Variants in ARMC3 observed in about 807,000 individuals in gnomAD.
ARMC3 encodes armadillo repeat-containing protein 3.
Under a neutral mutation model 90.3 loss-of-function variants are expected in ARMC3, and 74 were observed. That is an observed-to-expected ratio of 0.82 (90% CI 0.68 to 0.99). The LOEUF is 0.99. ARMC3 is among the 50% of genes least tolerant of loss of function. ARMC3 has a pLI of 0.00. For missense variants in ARMC3, 958 were observed against 1,042.8 expected, an observed-to-expected ratio of 0.92 and a Z score of 1.12; for synonymous variants, 334 against 361.8, an observed-to-expected ratio of 0.92 and a Z score of 0.87.
At chr10:22,990,942 C>T (rs970531597) in intron 10 of ARMC3, among the ~76,000 whole-genome samples, 3 of 151,920 alleles carry the variant, frequency 2.0e-5, no homozygotes, top group Non-Finnish European at 2.9e-5. Flanking sequence ...CCTTTTTCCC[C>T]GGGTTCCTTT....
At chr10:22,958,799 G>A (rs1835064438) in intron 4 of ARMC3, among the ~76,000 whole-genome samples, 2 of 152,160 alleles carry the variant, frequency 1.3e-5, no homozygotes, top group African/African-American at 2.4e-5. Context: ...TCAGCTCACT[G>A]CAACCTCTGC....
chr10:23,006,831 C>T (rs1040928645), intron 13 of ARMC3, 53 bp from the exon 14 acceptor site: 26 of 1,498,248 alleles, frequency 1.7e-5, no homozygotes, highest in Middle Eastern at 1.7e-4. Context: ...TATTCATTTT[C>T]GAAAATATGA....
At chr10:22,985,046 ATTTTT>A (rs535085393) in intron 10 of ARMC3, among the ~76,000 whole-genome samples, 1 of 83,570 alleles carries the variant, frequency 1.2e-5, no homozygotes, top group African/African-American at 4.8e-5. Context: ...TTAATTTTTC[ATTTTT>A]TTTTTTTTTT....
At chr10:22,937,783 G>C (rs1165218086) in intron 2 of ARMC3, among the ~76,000 whole-genome samples, 1 of 152,186 alleles carries the variant, frequency 6.6e-6, no homozygotes, top group African/African-American at 2.4e-5. Flanking sequence ...GTTTCCAGGG[G>C]CACTTTAATA....
chr10:22,993,345 T>C (rs767148842), intron 10 of ARMC3, among the ~76,000 whole-genome samples: 2 of 152,218 alleles, frequency 1.3e-5, no homozygotes, highest in Non-Finnish European at 2.9e-5. Flanking sequence ...TTGTCTAAAG[T>C]GTAAAATTTT....
At position 23,033,608 on chromosome 10, in the gene ARMC3, G is replaced by T. The variant is rs564364271; in HGVS notation, c.2409+585G>T. On this transcript the variant is annotated intron_variant, in intron 18 of 18. Coordinates refer to ENST00000298032, the MANE Select transcript of ARMC3 (RefSeq NM_173081.5). ...GGAGGGGCGAATGCTAGATCATAAC[G>T]CATCATGTAAGTTTGGGCATTATTT... Among the ~76,000 whole-genome samples the T allele has an allele frequency of 2.8e-4, 42 of 152,266 alleles. No homozygotes were observed. The South Asian group carries it at 4.6e-3, about 17-fold the overall frequency.
rs776888309 is a variant in ARMC3 at position 23,002,039 on chromosome 10, G to T, written c.1546G>T (p.Glu516Ter). ...VCAGDELTANELCRLGALDIL... is the reference protein window; with the variant it reads ...VCAGDELTAN ...TGCTGGTGACGAGCTGACGGCCAAT[G>T]AATTATGCAGGCTCGGGTGAGTGGA... is the stretch of plus-strand genomic sequence containing the variant. Residue 516 changes from glutamate (E) to a stop codon, truncating the protein, a stop_gained, in exon 12 of 19, where the codon GAA becomes TAA. Coordinates refer to ENST00000298032, the MANE Select transcript of ARMC3 (RefSeq NM_173081.5). LOFTEE classifies it high-confidence loss of function. 1 of 1,613,624 alleles carries T rather than the reference G, an allele frequency of 6.2e-7. No homozygotes were observed. Among genetic ancestry groups the T allele is most frequent in the African/African-American group, 1.3e-5 (1 of 74,894 alleles).
intron 16 of ARMC3, among the ~76,000 whole-genome samples, chr10:23,023,113 C>T (rs1326580719): frequency 6.6e-6 from 1 of 152,116 alleles, no homozygotes; most frequent in East Asian, 1.9e-4. Flanking sequence ...AAACCAGCCA[C>T]AACAAGCCCC....
At position 22,981,499 on chromosome 10, in the gene ARMC3, C is replaced by T; in HGVS notation, c.1069+7C>T. 1 of 1,613,642 alleles carries T rather than the reference C, an allele frequency of 6.2e-7. No homozygotes were observed. The highest frequency in any genetic ancestry group is 8.5e-7 in the Non-Finnish European group (1 of 1,179,800). ...GATTTTTTCAATAATCAGGGTAAGTCAACTGGAAACAATTCTTTTGAGCAT... is the reference window on the plus strand; with the variant it reads ...GATTTTTTCAATAATCAGGGTAAGTTAACTGGAAACAATTCTTTTGAGCAT... On this transcript the variant is annotated splice_region_variant and intron_variant, in intron 9 of 18. Transcript: ENST00000298032.
chr10:23,027,502 G>A (rs1034857745), intron 16 of ARMC3, among the ~76,000 whole-genome samples: 11 of 152,052 alleles, frequency 7.2e-5, no homozygotes, highest in Non-Finnish European at 1.6e-4. Context: ...CTGACCCTTC[G>A]ATGAACTCAT....
At chr10:22,989,056 C>T (rs1294416419) in intron 10 of ARMC3, among the ~76,000 whole-genome samples, 1 of 152,182 alleles carries the variant, frequency 6.6e-6, no homozygotes, top group Non-Finnish European at 1.5e-5. Flanking sequence ...CGTCTTCATA[C>T]TGACCCCTAG....
At chr10:22,990,452 T>C (rs1377350784) in intron 10 of ARMC3, among the ~76,000 whole-genome samples, 1 of 152,224 alleles carries the variant, frequency 6.6e-6, no homozygotes, top group African/African-American at 2.4e-5. Context: ...TACGTTTCCA[T>C]GATCTGAAAC....
In ARMC3 at chr10:23,001,923, G is replaced by C. The variant is rs1485525400; in HGVS notation, c.1430G>C (p.Arg477Thr). 1 of 1,613,210 alleles carries C rather than the reference G, an allele frequency of 6.2e-7. No homozygotes were observed. ...ACDVEARTEL[R>T]NSGGLEPLVE... Reference sequence around the variant, plus strand: ...CATTTTGGTTTCTGCTTTTAGTTAAGAAATTCTGGTGGATTGGAGCCCCTG... The same window carrying C: ...CATTTTGGTTTCTGCTTTTAGTTAACAAATTCTGGTGGATTGGAGCCCCTG... The change falls in exon 12 of 19, where the codon AGA (arginine) becomes ACA (threonine). Residue 477 changes from arginine (R) to threonine (T), a missense_variant. By Grantham distance (71) the Arg-to-Thr change is moderately conservative. Coordinates refer to ENST00000298032, the MANE Select transcript of ARMC3 (RefSeq NM_173081.5).
chr10:22,991,939 C>G (rs1836730117), intron 10 of ARMC3, among the ~76,000 whole-genome samples: 1 of 152,162 alleles, frequency 6.6e-6, no homozygotes. Context: ...CCAGGCTAAA[C>G]AGAAACATTT....
Position 22,968,427 on chromosome 10 carries a change from ACT to A in ARMC3, c.857_858del (p.Ser286TyrfsTer4). ...AAAAAGCTCCTGTCATTTGCAGAAAACTCTACAATTCCTGATATTCAGAAGAA... is the reference window on the plus strand; with the variant it reads ...AAAAAGCTCCTGTCATTTGCAGAAAACTACAATTCCTGATATTCAGAAGAA... On this transcript the variant is annotated frameshift_variant, in exon 8 of 19. Coordinates refer to ENST00000298032, the MANE Select transcript of ARMC3 (RefSeq NM_173081.5). LOFTEE classifies it high-confidence loss of function. The A allele has an allele frequency of 1.2e-6, 2 of 1,612,652 alleles. No homozygotes were observed. Among genetic ancestry groups the A allele is most frequent in the Non-Finnish European group, 1.7e-6 (2 of 1,179,596 alleles).
At chr10:22,944,011 T>C (rs1483796174) in intron 2 of ARMC3, among the ~76,000 whole-genome samples, 1 of 152,238 alleles carries the variant, frequency 6.6e-6, no homozygotes, top group African/African-American at 2.4e-5. Context: ...TACATTTTAC[T>C]GTATTTTTTG....
At chr10:22,948,507 C>T (rs998680240) in intron 3 of ARMC3, among the ~76,000 whole-genome samples, 2 of 151,822 alleles carry the variant, frequency 1.3e-5, no homozygotes, top group Non-Finnish European at 2.9e-5. Context: ...CACTCTACTG[C>T]CTGTAACAAT....
chr10:23,037,242 T>G, intron 18 of ARMC3, 28 bp from the exon 19 acceptor site: 1 of 1,551,482 alleles, frequency 6.4e-7, no homozygotes, highest in Non-Finnish European at 8.8e-7. Flanking sequence ...CGCACCACCC[T>G]TGGTTGATCT....
intron 2 of ARMC3, among the ~76,000 whole-genome samples, chr10:22,933,892 A>AAACC (rs1436538077): frequency 6.6e-6 from 1 of 152,152 alleles, no homozygotes; most frequent in African/African-American, 2.4e-5. Context: ...CTCAAAAAAC[A>AAACC]AACCAACCAA....
Sources: allele counts gnomAD v4.1 joint callset (sites outside exome capture counted in the v4.1 genomes callset), GRCh38; gene constraint gnomAD v4.1.1; transcripts MANE v1.5; gene names NCBI Gene and HGNC (gene_info 2026-07-23, HGNC 2026-07-21).